SORCS2: variants seen among roughly 807,000 people sequenced by gnomAD.
SORCS2 encodes sortilin related VPS10 domain containing receptor 2, also known as VPS10 domain-containing receptor SorCS2.
A neutral mutation model predicts 141.6 loss-of-function variants in SORCS2; 100 were observed. The observed-to-expected ratio is 0.71, with a 90% confidence interval of 0.60 to 0.83. The LOEUF is 0.83. SORCS2 is among the 40% of genes least tolerant of loss of function. SORCS2 has a pLI of 0.00. For synonymous variants in SORCS2, 789 were observed against 676.9 expected (o/e 1.17, Z -2.57); for missense variants, 1,646 against 1,560.2 (o/e 1.05, Z -0.93).
chr4:7,254,356 A>G (rs988465528), intron 1 of SORCS2, among the ~76,000 whole-genome samples: 1 of 152,228 alleles, frequency 6.6e-6, no homozygotes, highest in Non-Finnish European at 1.5e-5. Flanking sequence ...GTATGAAAGC[A>G]TATCTTTTGC....
intron 3 of SORCS2, among the ~76,000 whole-genome samples, chr4:7,582,944 G>A (rs768615401): frequency 6.6e-5 from 10 of 152,200 alleles, no homozygotes; most frequent in African/African-American, 1.4e-4. Flanking sequence ...CCCACCGTGG[G>A]CTTATTCCTT....
intron 2 of SORCS2, among the ~76,000 whole-genome samples, chr4:7,447,141 A>G (rs1243867508): frequency 6.6e-6 from 1 of 152,202 alleles, no homozygotes; most frequent in Non-Finnish European, 1.5e-5. Context: ...GTCCTAGATC[A>G]AGGTATGGGC....
chr4:7,246,122 T>C (rs919804260), intron 1 of SORCS2, among the ~76,000 whole-genome samples: 45 of 152,222 alleles, frequency 3.0e-4, no homozygotes, highest in Non-Finnish European at 3.5e-4. Context: ...TTCCACACTA[T>C]GCAATTTCAG....
chr4:7,527,595 C>T (rs1477301028), intron 2 of SORCS2, among the ~76,000 whole-genome samples: 1 of 152,210 alleles, frequency 6.6e-6, no homozygotes, highest in East Asian at 1.9e-4. Flanking sequence ...CCTGCAGACT[C>T]CTGCCCTCCA....
At chr4:7,400,462 C>T (rs1291081499) in intron 2 of SORCS2, among the ~76,000 whole-genome samples, 2 of 67,434 alleles carry the variant, frequency 3.0e-5, no homozygotes, top group African/African-American at 6.7e-5. Flanking sequence ...ATGGTTTGCC[C>T]CACCACCACC....
rs185727915 is a variant in SORCS2, at chr4:7,689,563, C to G, written c.1566C>G (p.Thr522=). Residue 522 remains threonine (T), a synonymous_variant, in exon 11 of 27, where the codon ACC becomes ACG. Coordinates refer to ENST00000507866, the MANE Select transcript of SORCS2 (RefSeq NM_020777.3). ...CAGGCACCGTGCACACCAAGGACAC[C>G]GCCCCAGGCCTCATCATGGGTGCAG... is the stretch of plus-strand genomic sequence containing the variant. ...YVSGTVHTKD[T]APGLIMGAGN... is the part of the protein sequence containing the mutation. 3.7e-6 allele frequency: 6 copies of G among 1,601,848 alleles called. No individual in the cohort carries two copies. The highest frequency in any genetic ancestry group is 3.4e-5 in the South Asian group (3 of 88,494).
intron 17 of SORCS2, among the ~76,000 whole-genome samples, chr4:7,716,685 G>GTCCATCCATCCATCCA (rs34499695): frequency 2.4e-4 from 36 of 151,162 alleles, no homozygotes; most frequent in Non-Finnish European, 4.3e-4. Flanking sequence ...TTCATTCACC[G>GTCCATCCATCCATCCA]TCCATCCATC....
intron 2 of SORCS2, among the ~76,000 whole-genome samples, chr4:7,457,269 G>T (rs10033834): frequency 0.94 from 142,599 of 152,288 alleles, 67,442 homozygotes; most frequent in Non-Finnish European, 1. Context: ...GATGGCCTCA[G>T]TGCTGGGTGA....
At chr4:7,726,636 C>T (rs1727236877) in intron 20 of SORCS2, 144 bp from the exon 21 acceptor site, 1 of 1,064,312 alleles carries the variant, frequency 9.4e-7, no homozygotes, top group Admixed American at 2.5e-5. Flanking sequence ...GGTGCTGCCA[C>T]CACAGGATGT....
chr4:7,562,242 C>G (rs1378666310), intron 3 of SORCS2, among the ~76,000 whole-genome samples: 3 of 151,996 alleles, frequency 2.0e-5, no homozygotes, highest in Admixed American at 2.0e-4. Context: ...TGTGCTCGAC[C>G]CAGGCTGTGG....
At chr4:7,400,168 A>G (rs1461549533) in intron 2 of SORCS2, among the ~76,000 whole-genome samples, 1 of 137,584 alleles carries the variant, frequency 7.3e-6, no homozygotes, top group African/African-American at 2.7e-5. Context: ...CCCCATCCCC[A>G]GTCTCAGCTC....
At position 7,525,289 on chromosome 4, in the gene SORCS2, C is replaced by T. The variant is rs577221236; in HGVS notation, c.549-6241C>T. Among the ~76,000 whole-genome samples the T allele has an allele frequency of 8.8e-4, 134 of 152,212 alleles. 1 individual carries two copies. The highest frequency in any genetic ancestry group is 2.9e-3 in the African/African-American group (120 of 41,520). On this transcript the variant is annotated intron_variant, in intron 2 of 26. Transcript: ENST00000507866. ...GGAGGCTAGACAACAGGGACACTTG[C>T]GGGGTGCCTGCAGGTTAAGGATGTG...
intron 3 of SORCS2, among the ~76,000 whole-genome samples, chr4:7,580,616 A>T (rs1716080673): frequency 6.6e-6 from 1 of 152,224 alleles, no homozygotes; most frequent in Non-Finnish European, 1.5e-5. Context: ...TCTTACAGTA[A>T]CAACACTCCA....
At chr4:7,425,189 C>T (rs777282319) in intron 2 of SORCS2, among the ~76,000 whole-genome samples, 3 of 152,212 alleles carry the variant, frequency 2.0e-5, no homozygotes, top group Non-Finnish European at 4.4e-5. Flanking sequence ...CAGGAGCCTC[C>T]GTTTTCGGTT....
At chr4:7,436,158 A>G (rs1202534539) in intron 2 of SORCS2, among the ~76,000 whole-genome samples, 3 of 152,232 alleles carry the variant, frequency 2.0e-5, no homozygotes, top group Non-Finnish European at 2.9e-5. Context: ...TGGAGGGGAC[A>G]GTCTTAGGGA....
intron 1 of SORCS2, among the ~76,000 whole-genome samples, chr4:7,302,769 A>ATGTGTGTGTGTGTGTG (rs138338129): frequency 0.024 from 3,566 of 145,756 alleles, 61 homozygotes; most frequent in Non-Finnish European, 0.035. Flanking sequence ...CAGTCCACAT[A>ATGTGTGTGTGTGTGTG]TGTGTGTGTG....
At chr4:7,521,790 C>T (rs1733346373) in intron 2 of SORCS2, among the ~76,000 whole-genome samples, 1 of 152,210 alleles carries the variant, frequency 6.6e-6, no homozygotes, top group African/African-American at 2.4e-5. Flanking sequence ...GGTGTGAATA[C>T]ATGTACCCTC....
chr4:7,676,936 CTCCCTCTCTCCCTCTG>C (rs1404833494), intron 9 of SORCS2, among the ~76,000 whole-genome samples: 4 of 76,306 alleles, frequency 5.2e-5, no homozygotes, highest in African/African-American at 1.4e-4. Context: ...CTCTCCCTCT[CTCCCTCTCTCCCTCTG>C]CCTTCCTCTC....
chr4:7,240,185 T>C (rs188827462), intron 1 of SORCS2, among the ~76,000 whole-genome samples: 41 of 152,262 alleles, frequency 2.7e-4, no homozygotes, highest in South Asian at 1.5e-3. Flanking sequence ...AAGGAGATGG[T>C]GTCAGGGGAG....
Sources: gnomAD v4.1 joint callset for allele counts (sites outside exome capture counted in the v4.1 genomes callset) on GRCh38, gnomAD v4.1.1 for gene constraint, MANE v1.5 for transcripts, NCBI Gene and HGNC (gene_info 2026-07-23, HGNC 2026-07-21) for gene names.